Variants in MPPED1 observed in about 807,000 individuals in gnomAD.
MPPED1 encodes the protein metallophosphoesterase domain-containing protein 1.
MPPED1 carries 16 observed loss-of-function variants against 36.2 expected under a neutral mutation model. The ratio of observed to expected loss-of-function variants is 0.44; its 90% CI spans 0.30 to 0.67. The LOEUF (loss-of-function observed/expected upper bound fraction) is 0.67, where lower values mean the gene tolerates loss of function less well. Ranked by LOEUF, MPPED1 falls within the 30% of genes least tolerant of loss-of-function variation. MPPED1 has a pLI of 0.10. For missense variants in MPPED1, 307 were observed against 453.4 expected, an observed-to-expected ratio of 0.68 and a Z score of 2.93; for synonymous variants, 199 against 191.3, an observed-to-expected ratio of 1.04 and a Z score of -0.33.
rs1159008699 is a variant in MPPED1 at position 43,505,645 on chromosome 22, C to T, written c.*29C>T. The T allele has an allele frequency of 1.2e-5, 18 of 1,565,176 alleles. No individual in the cohort carries two copies. Among genetic ancestry groups the T allele is most frequent in the Non-Finnish European group, 1.6e-5 (18 of 1,149,454 alleles). ...CTCCCCACTGCCCCTGCCCTGCCCG[C>T]CCGTGTCAGCTCCACAGGCCTGGCC... On this transcript the variant is annotated 3_prime_UTR_variant, in exon 7 of 7. Coordinates refer to ENST00000443721, the MANE Select transcript of MPPED1 (RefSeq NM_001044370.2).
At chr22:43,433,888 G>C (rs373773382) in intron 2 of MPPED1, among the ~76,000 whole-genome samples, 1 of 152,242 alleles carries the variant, frequency 6.6e-6, no homozygotes, top group East Asian at 1.9e-4. Flanking sequence ...CATTTGGAGA[G>C]AGCTGCTGTT....
chr22:43,424,767 G>T, intron 1 of MPPED1, 141 bp from the exon 2 acceptor site: 11 of 1,058,114 alleles, frequency 1.0e-5, no homozygotes, highest in South Asian at 9.9e-5. Flanking sequence ...GGAAAGATTT[G>T]TAATGAGTTT....
At chr22:43,497,553 T>G (rs1932459316) in intron 4 of MPPED1, among the ~76,000 whole-genome samples, 2 of 152,078 alleles carry the variant, frequency 1.3e-5, no homozygotes, top group Admixed American at 1.3e-4. Flanking sequence ...CTAGGTGATG[T>G]GTTCACCACT....
Position 43,505,710 on chromosome 22 carries a change from C to T in MPPED1, c.*94C>T, listed in dbSNP as rs546363024. On this transcript the variant is annotated 3_prime_UTR_variant, in exon 7 of 7. Transcript: ENST00000443721. ...TCCATGCTGAGTTGCCTGGACGACC[C>T]ATCTGGCTGCGGGGACTGGCCTAGC... is the stretch of plus-strand genomic sequence containing the variant. 9.8e-4 allele frequency: 1,132 copies of T among 1,152,332 alleles called. 7 individuals carry two copies. In the African/African-American group the frequency reaches 0.014, roughly 14 times the overall value. The allele number at this position is 1,152,332 out of a possible 1,614,324, so 71.4% of individuals were successfully genotyped here. A position where few individuals can be genotyped will look rare whatever the true frequency, so the allele number is the denominator to read the frequency against.
intron 3 of MPPED1, among the ~76,000 whole-genome samples, chr22:43,465,143 C>T (rs537637830): frequency 6.6e-6 from 1 of 152,352 alleles, no homozygotes; most frequent in African/African-American, 2.4e-5. Flanking sequence ...CTCACTATCC[C>T]AGGTCGCATG....
At chr22:43,501,564 C>T (rs1368074926) in intron 5 of MPPED1, among the ~76,000 whole-genome samples, 1 of 152,212 alleles carries the variant, frequency 6.6e-6, no homozygotes, top group Non-Finnish European at 1.5e-5. Context: ...GGACTGTGTG[C>T]GCCAGGGTGC....
intron 2 of MPPED1, among the ~76,000 whole-genome samples, chr22:43,428,894 G>A (rs1929577666): frequency 1.3e-5 from 2 of 152,054 alleles, no homozygotes; most frequent in Admixed American, 1.3e-4. Context: ...CCACTGGCCT[G>A]GTGGTCAGTA....
At chr22:43,436,553 T>C (rs1397351046) in intron 3 of MPPED1, among the ~76,000 whole-genome samples, 1 of 152,268 alleles carries the variant, frequency 6.6e-6, no homozygotes, top group Non-Finnish European at 1.5e-5. Flanking sequence ...CTGCAGGAAG[T>C]GCAGGCCGGG....
At position 43,495,373 on chromosome 22, in the gene MPPED1, AGTGGTGATGGTGGTGGTAGTGATGGAG is replaced by A. The variant is rs2146910358; in HGVS notation, c.633-2851_633-2825del. On this transcript the variant is annotated intron_variant, in intron 4 of 6. Transcript: ENST00000443721. The stretch of plus-strand genomic sequence containing the variant: ...TGATGGAGGTGATGGTGGTGATGGT[AGTGGTGATGGTGGTGGTAGTGATGGAG>A]GTGGTGATGGAGGTGGTGGTGGTGG... 7.3e-5 allele frequency among the ~76,000 whole-genome samples: 2 copies of A among 27,216 alleles called. 1 individual carries two copies. Among genetic ancestry groups the A allele is most frequent in the East Asian group, 3.5e-3 (2 of 568 alleles). 17.9% of individuals were successfully genotyped at this position (27,216 alleles called of 152,430 possible).
intron 3 of MPPED1, among the ~76,000 whole-genome samples, chr22:43,442,985 G>T (rs943474033): frequency 6.6e-6 from 1 of 152,160 alleles, no homozygotes; most frequent in African/African-American, 2.4e-5. Flanking sequence ...TCACTGCTTT[G>T]GTGCTGGAGA....
chr22:43,444,595 T>C (rs920865834), intron 3 of MPPED1, among the ~76,000 whole-genome samples: 10 of 152,130 alleles, frequency 6.6e-5, no homozygotes, highest in African/African-American at 1.7e-4. Context: ...ACTCCTGAAC[T>C]CAGGTGGCCC....
chr22:43,439,779 C>T (rs1050576371), intron 3 of MPPED1, among the ~76,000 whole-genome samples: 8 of 152,206 alleles, frequency 5.3e-5, no homozygotes, highest in Non-Finnish European at 1.0e-4. Flanking sequence ...TCCTCAACTT[C>T]AACACCAGCA....
intron 2 of MPPED1, among the ~76,000 whole-genome samples, chr22:43,427,027 G>A (rs1206201657): frequency 6.6e-6 from 1 of 152,214 alleles, no homozygotes; most frequent in East Asian, 1.9e-4. Flanking sequence ...CAACTGGGTG[G>A]GTCAGAGGTG....
At chr22:43,424,365 C>T (rs1425557362) in intron 1 of MPPED1, among the ~76,000 whole-genome samples, 2 of 152,070 alleles carry the variant, frequency 1.3e-5, no homozygotes, top group Admixed American at 6.5e-5. Context: ...TAGATGAAAT[C>T]GATGTCGAGG....
chr22:43,493,728 G>C (rs941958230), intron 4 of MPPED1, among the ~76,000 whole-genome samples: 1 of 152,150 alleles, frequency 6.6e-6, no homozygotes, highest in Non-Finnish European at 1.5e-5. Flanking sequence ...AGGAAATGCT[G>C]GTGACTATTT....
At chr22:43,435,002 C>T (rs1290903272) in intron 2 of MPPED1, 32 bp from the exon 3 acceptor site, 8 of 1,605,276 alleles carry the variant, frequency 5.0e-6, no homozygotes, top group Non-Finnish European at 6.0e-6. Context: ...GCTCCATGGC[C>T]TCCTGATCCG....
chr22:43,435,233 CG>C lies in MPPED1; in HGVS notation c.406+21del, dbSNP rs1569068609. On this transcript the variant is annotated intron_variant, in intron 3 of 6. Transcript: ENST00000443721. Reference sequence around the variant, plus strand: ...GTGGCTGGGTAGGTCCCTCCTGCCCCGGGCGGGCGGCTGTGCTGAGCAGGAA... The same window carrying C: ...GTGGCTGGGTAGGTCCCTCCTGCCCCGGCGGGCGGCTGTGCTGAGCAGGAA... The C allele has an allele frequency of 6.3e-7, 1 of 1,593,626 alleles. No homozygotes were observed. The highest frequency in any genetic ancestry group is 8.5e-7 in the Non-Finnish European group (1 of 1,175,544).
intron 3 of MPPED1, among the ~76,000 whole-genome samples, chr22:43,445,711 C>T (rs1930314549): frequency 6.6e-6 from 1 of 151,844 alleles, no homozygotes; most frequent in Admixed American, 6.6e-5. Context: ...GCTGGGACTA[C>T]AGGCATGCAC....
chr22:43,499,698 GAGGTGA>G, intron 5 of MPPED1, among the ~76,000 whole-genome samples: 1 of 128,534 alleles, frequency 7.8e-6, no homozygotes, highest in Non-Finnish European at 1.7e-5. Flanking sequence ...GGTGGTGGTG[GAGGTGA>G]TGATGGTGGT....
Sources: gnomAD v4.1 joint callset for allele counts (sites outside exome capture counted in the v4.1 genomes callset) on GRCh38, gnomAD v4.1.1 for gene constraint, MANE v1.5 for transcripts, NCBI Gene and HGNC (gene_info 2026-07-23, HGNC 2026-07-21) for gene names.